Variants in WASHC2C observed in about 807,000 individuals in gnomAD.
WASHC2C encodes the protein Vaccinia Penetration Factor.
A neutral mutation model predicts 142.2 loss-of-function variants in WASHC2C; 73 were observed. The observed-to-expected ratio is 0.51, with a 90% CI of 0.43 to 0.62. The LOEUF (loss-of-function observed/expected upper bound fraction) is 0.62, where lower values mean the gene tolerates loss of function less well. Among genes scored for constraint, WASHC2C ranks in the 20% least tolerant of loss-of-function variants. The pLI is 0.00. For missense variants in WASHC2C, 969 were observed against 1,531.7 expected, an observed-to-expected ratio of 0.63 and a Z score of 6.13; for synonymous variants, 337 against 565.5, an observed-to-expected ratio of 0.60 and a Z score of 5.73.
At chr10:45,732,096 A>G (rs1259973056) in intron 3 of WASHC2C, among the ~76,000 whole-genome samples, 2 of 152,046 alleles carry the variant, frequency 1.3e-5, no homozygotes, top group African/African-American at 2.4e-5. Flanking sequence ...ATACCCGGCA[A>G]TCTGGCTTTT....
chr10:45,766,284 GA>G, intron 19 of WASHC2C, among the ~76,000 whole-genome samples: 1 of 152,420 alleles, frequency 6.6e-6, no homozygotes, highest in Middle Eastern at 3.4e-3. Flanking sequence ...ACGATTAGAT[GA>G]AAGGGGTGTG....
chr10:45,762,225 A>G (rs370664471), intron 17 of WASHC2C, among the ~76,000 whole-genome samples: 8,486 of 151,720 alleles, frequency 0.056, 255 homozygotes, highest in Admixed American at 0.1. Context: ...TTTTTTAGCT[A>G]TTTTGAGATG....
In WASHC2C at chr10:45,788,910, C is replaced by T. The variant is rs1444111956; in HGVS notation, c.3127C>T (p.Arg1043Cys). Reference protein sequence around the residue: ...KMRGKRRPQTRAARRLAAQES... With the variant: ...KMRGKRRPQTCAARRLAAQES... ...GAGAGGGAAGCGTAGACCGCAGACCCGTGCAGCTAGGCGGCTGGCTGCTCA... is the reference window on the plus strand; with the variant it reads ...GAGAGGGAAGCGTAGACCGCAGACCTGTGCAGCTAGGCGGCTGGCTGCTCA... The change falls in exon 29 of 31, where the codon CGT (arginine) becomes TGT (cysteine). Residue 1043 changes from arginine (R) to cysteine (C), a missense_variant. Transcript: ENST00000623400. 3.6e-5 allele frequency: 58 copies of T among 1,611,918 alleles called. No individual in the cohort carries two copies. The highest frequency in any genetic ancestry group is 4.6e-5 in the Non-Finnish European group (54 of 1,179,880).
At chr10:45,739,365 A>G (rs1554866299) in intron 4 of WASHC2C, among the ~76,000 whole-genome samples, 2 of 142,920 alleles carry the variant, frequency 1.4e-5, no homozygotes, top group East Asian at 2.0e-4. Context: ...GTAGAGGGGG[A>G]AATGACACTA....
chr10:45,766,292 T>C (rs1554882380), intron 19 of WASHC2C, among the ~76,000 whole-genome samples: 1 of 152,240 alleles, frequency 6.6e-6, no homozygotes, highest in African/African-American at 2.4e-5. Context: ...ATGAAAGGGG[T>C]GTGACCTGAT....
intron 26 of WASHC2C, 51 bp downstream of exon 26, chr10:45,785,682 G>A: frequency 3.7e-6 from 6 of 1,611,292 alleles, no homozygotes; most frequent in Non-Finnish European, 5.1e-6. Context: ...TCCCAGTACA[G>A]AGAAATTCCA....
intron 11 of WASHC2C, 148 bp downstream of exon 11, chr10:45,751,701 G>C (rs1310966975): frequency 1.3e-6 from 2 of 1,534,898 alleles, no homozygotes; most frequent in African/African-American, 2.8e-5. Context: ...CTCTGGGCTG[G>C]ACGCGGTGGC....
intron 5 of WASHC2C, among the ~76,000 whole-genome samples, chr10:45,741,697 A>C (rs2052070131): frequency 6.6e-6 from 1 of 152,036 alleles, no homozygotes; most frequent in Non-Finnish European, 1.5e-5. Context: ...CAAGGAAGAG[A>C]TATCATTGCC....
chr10:45,757,166 G>A, intron 16 of WASHC2C, 27 bp downstream of exon 16: 1 of 1,610,876 alleles, frequency 6.2e-7, no homozygotes, highest in African/African-American at 1.3e-5. Flanking sequence ...ACTTAACGCA[G>A]GAGCATTGAT....
intron 18 of WASHC2C, among the ~76,000 whole-genome samples, chr10:45,764,661 C>G (rs2055571990): frequency 1.3e-5 from 2 of 152,132 alleles, no homozygotes. Flanking sequence ...CCATCAGACC[C>G]CTGGGTTCAT....
At chr10:45,730,094 C>G (rs1240304365) in intron 3 of WASHC2C, among the ~76,000 whole-genome samples, 6 of 136,084 alleles carry the variant, frequency 4.4e-5, no homozygotes, top group Non-Finnish European at 9.4e-5. Flanking sequence ...CCTGTAATCC[C>G]AGCACTTTGG....
At chr10:45,736,078 T>C (rs2051190302) in intron 3 of WASHC2C, among the ~76,000 whole-genome samples, 1 of 147,832 alleles carries the variant, frequency 6.8e-6, no homozygotes, top group Admixed American at 6.8e-5. Flanking sequence ...GAGACCAGTC[T>C]GGCCAACGTG....
intron 18 of WASHC2C, among the ~76,000 whole-genome samples, chr10:45,763,959 C>A (rs1212064226): frequency 6.6e-6 from 1 of 152,150 alleles, no homozygotes; most frequent in Non-Finnish European, 1.5e-5. Context: ...GCCTCGGCCT[C>A]CCTAAGTGCT....
intron 17 of WASHC2C, among the ~76,000 whole-genome samples, chr10:45,762,856 A>G (rs1189805100): frequency 6.6e-6 from 1 of 152,212 alleles, no homozygotes; most frequent in Admixed American, 6.5e-5. Flanking sequence ...CAGTGAGCCG[A>G]GATTGCACCA....
At position 45,751,341 on chromosome 10, in the gene WASHC2C, C is replaced by A. The variant is rs193206009; in HGVS notation, c.932-141C>A. 86 of 1,094,288 alleles carry A rather than the reference C, an allele frequency of 7.9e-5. 8 individuals carry two copies. The African/African-American group carries it at 1.3e-3, about 17-fold the overall frequency. The allele number at this position is 1,094,288 out of a possible 1,614,324, so 67.8% of individuals were successfully genotyped here. A position where few individuals can be genotyped will look rare whatever the true frequency, so the allele number is the denominator to read the frequency against. On this transcript the variant is annotated intron_variant, in intron 10 of 30. Transcript: ENST00000623400. ...CCACTGTGGGCAGGGCCAGGGAGTT[C>A]AGTGCTCTGGTGCAGCTGAGATGAA... is the stretch of plus-strand genomic sequence containing the variant.
chr10:45,731,309 C>G (rs1156523710), intron 3 of WASHC2C, among the ~76,000 whole-genome samples: 2 of 133,504 alleles, frequency 1.5e-5, no homozygotes, highest in African/African-American at 5.8e-5. Flanking sequence ...CAACATCCGC[C>G]TCCCGTGTTC....
chr10:45,782,635 A>G (rs1326447019), intron 23 of WASHC2C, among the ~76,000 whole-genome samples: 3 of 152,188 alleles, frequency 2.0e-5, no homozygotes, highest in Non-Finnish European at 2.9e-5. Context: ...AAATAAAAAC[A>G]TGTTCACACA....
Position 45,758,606 on chromosome 10 carries a change from C to T in WASHC2C, c.1549-709C>T, listed in dbSNP as rs1188686977. Among the ~76,000 whole-genome samples the T allele has an allele frequency of 2.3e-4, 30 of 128,124 alleles. 1 individual carries two copies. Among genetic ancestry groups the T allele is most frequent in the Non-Finnish European group, 1.9e-4 (11 of 59,118 alleles). 84.1% of individuals were successfully genotyped at this position (128,124 alleles called of 152,430 possible). On this transcript the variant is annotated intron_variant, in intron 16 of 30. Transcript: ENST00000623400. ...ATAATCCATTACCATCATTCTTCTT[C>T]TTTTTTTTTTTTTTTTTGTGAGACA...
At chr10:45,764,305 C>A (rs1328262366) in intron 18 of WASHC2C, among the ~76,000 whole-genome samples, 11 of 149,654 alleles carry the variant, frequency 7.4e-5, no homozygotes, top group South Asian at 4.3e-4. Flanking sequence ...TTCTAGGCCA[C>A]ATGGTTTGTC....
Sources: allele counts gnomAD v4.1 joint callset (sites outside exome capture counted in the v4.1 genomes callset), GRCh38; gene constraint gnomAD v4.1.1; transcripts MANE v1.5; gene names NCBI Gene and HGNC (gene_info 2026-07-23, HGNC 2026-07-21).